The following PARP16 variants were observed in gnomAD, a reference collection of about 807,000 sequenced individuals.
PARP16 encodes poly(ADP-ribose) polymerase family member 16.
In PARP16, 31 loss-of-function variants were observed where a neutral mutation model predicts 35.0. That is an observed-to-expected ratio of 0.88 (90% CI 0.66 to 1.19). The LOEUF (loss-of-function observed/expected upper bound fraction) is 1.19, where lower values mean the gene tolerates loss of function less well. Ranked by LOEUF, PARP16 falls within the 50% of genes most tolerant of loss-of-function variation. PARP16 has a pLI of 0.00. For missense variants in PARP16, 424 were observed against 411.2 expected, an observed-to-expected ratio of 1.03 and a Z score of -0.27; for synonymous variants, 162 against 169.5, an observed-to-expected ratio of 0.96 and a Z score of 0.34.
intron 1 of PARP16, among the ~76,000 whole-genome samples, chr15:65,284,336 T>G (rs1451692478): frequency 1.7e-5 from 2 of 117,736 alleles, no homozygotes; most frequent in African/African-American, 5.9e-5. Flanking sequence ...TTTTCTTTCC[T>G]CTTTTTTTTT....
At chr15:65,241,588 C>T (rs567156641) in intron 3 of PARP16, among the ~76,000 whole-genome samples, 14 of 152,122 alleles carry the variant, frequency 9.2e-5, no homozygotes, top group Non-Finnish European at 1.5e-4. Context: ...TTTTAGTTTA[C>T]ATTTCTTATA....
intron 2 of PARP16, among the ~76,000 whole-genome samples, chr15:65,249,477 CGTTCAACCT>C (rs2089296074): frequency 6.6e-6 from 1 of 152,226 alleles, no homozygotes; most frequent in Admixed American, 6.5e-5. Flanking sequence ...AGAAATGTCT[CGTTCAACCT>C]GGAGACAGAC....
At chr15:65,265,768 C>T (rs540151175) in intron 3 of PARP16, among the ~76,000 whole-genome samples, 29 of 152,270 alleles carry the variant, frequency 1.9e-4, no homozygotes, top group South Asian at 6.2e-4. Context: ...GTGATGCAGA[C>T]GCTGCTGGTC....
chr15:65,256,817 A>T (rs111953857), downstream of PARP16, among the ~76,000 whole-genome samples: 1,328 of 152,130 alleles, frequency 8.7e-3, 6 homozygotes, highest in Non-Finnish European at 0.014. Flanking sequence ...TTCTCCAAGA[A>T]CTTCAGGTCT....
At position 65,286,308 on chromosome 15, in the gene PARP16, A is replaced by C; in HGVS notation, c.119T>G (p.Leu40Arg). The change falls in exon 1 of 6, where the codon CTG becomes CGG. Residue 40 changes from leucine to arginine, a missense_variant. Transcript: ENST00000649807. ...GGCGTAGGACGCGGGGAAGGGCCGCAGCACCGAGTCGCGCTTGTAGCTCTG... is the reference window on the plus strand; with the variant it reads ...GGCGTAGGACGCGGGGAAGGGCCGCCGCACCGAGTCGCGCTTGTAGCTCTG... ...ALQSYKRDSV[L>R]RPFPASYARG... The C allele has an allele frequency of 6.9e-6, 11 of 1,603,962 alleles. No homozygotes were observed. Among genetic ancestry groups the C allele is most frequent in the Non-Finnish European group, 9.3e-6 (11 of 1,176,478 alleles).
rs766995313 is a variant in PARP16, at chr15:65,271,101, A to G, written c.175-29T>C. 58 of 1,613,456 alleles carry G rather than the reference A, an allele frequency of 3.6e-5. 1 individual carries two copies. In the Middle Eastern group the frequency reaches 1.8e-3, roughly 51 times the overall value. The stretch of plus-strand genomic sequence containing the variant: ...AAGCGACGGAAGAACTTCCATTAGC[A>G]AGGATCCCGGACACAGTGATAATCA... On this transcript the variant is annotated intron_variant, in intron 1 of 5. Transcript: ENST00000649807.
chr15:65,232,274 A>G (rs2088786455), downstream of PARP16, among the ~76,000 whole-genome samples: 1 of 152,150 alleles, frequency 6.6e-6, no homozygotes, highest in Admixed American at 6.5e-5. Flanking sequence ...TAGGTTTTTT[A>G]GACTTCCCAC....
intron 3 of PARP16, among the ~76,000 whole-genome samples, chr15:65,245,331 A>C (rs1188679004): frequency 6.6e-6 from 1 of 152,222 alleles, no homozygotes; most frequent in Non-Finnish European, 1.5e-5. Flanking sequence ...GCGGTAGGAC[A>C]CGTTGCCACT....
At position 65,252,156 on chromosome 15, in the gene PARP16, G is replaced by A. The variant is rs770081481; in HGVS notation, c.203-3928C>T. 6.6e-5 allele frequency among the ~76,000 whole-genome samples: 10 copies of A among 152,276 alleles called. No homozygotes were observed. The South Asian group carries it at 2.1e-3, about 32-fold the overall frequency. On this transcript the variant is annotated intron_variant and NMD_transcript_variant, in intron 2 of 3. Transcript: ENST00000559805. ...AGTCAATGCTCTACTTGTAGAGTGT[G>A]TGAGTGGAGGGGGCAGTCAGTCAGC...
At chr15:65,250,144 GTCTC>G (rs1265948669) in intron 2 of PARP16, among the ~76,000 whole-genome samples, 4 of 128,334 alleles carry the variant, frequency 3.1e-5, no homozygotes, top group Non-Finnish European at 4.7e-5. Context: ...TTGAGACAGA[GTCTC>G]TCTCTGTTAT....
At chr15:65,266,451 A>G (rs2089892693) in intron 3 of PARP16, 111 bp downstream of exon 3, 1 of 850,634 alleles carries the variant, frequency 1.2e-6, no homozygotes, top group Non-Finnish European at 1.9e-6. Context: ...AGGCGTTAGT[A>G]AACCTACCCG....
intron 3 of PARP16, among the ~76,000 whole-genome samples, chr15:65,238,486 C>T (rs955661525): frequency 6.6e-6 from 1 of 152,128 alleles, no homozygotes; most frequent in Non-Finnish European, 1.5e-5. Flanking sequence ...TGGATTTCTC[C>T]ATTTCCCTCA....
At chr15:65,238,429 G>T (rs1415071826) in intron 3 of PARP16, among the ~76,000 whole-genome samples, 1 of 152,144 alleles carries the variant, frequency 6.6e-6, no homozygotes, top group Non-Finnish European at 1.5e-5. Context: ...CCTGGCCCAG[G>T]CTGCCCCAGT....
chr15:65,270,834 A>T, intron 2 of PARP16, 101 bp downstream of exon 2: 2 of 1,161,682 alleles, frequency 1.7e-6, no homozygotes, highest in Non-Finnish European at 2.5e-6. Flanking sequence ...CAAGCTGCCC[A>T]GGTCACTGGT....
Position 65,250,434 on chromosome 15 carries a change from T to C in PARP16, c.203-2206A>G, listed in dbSNP as rs374221973. On this transcript the variant is annotated intron_variant and NMD_transcript_variant, in intron 2 of 3. Transcript: ENST00000559805. ...TGCCTGGCCATGCCTGCCTTTCTTA[T>C]TCCTTTAGAGTCAGCCCTGGTTCTG... Among the ~76,000 whole-genome samples the C allele has an allele frequency of 6.6e-5, 10 of 152,202 alleles. No individual in the cohort carries two copies. The East Asian group carries it at 1.7e-3, about 26-fold the overall frequency.
chr15:65,255,029 G>C (rs2089460879), downstream of PARP16, among the ~76,000 whole-genome samples: 1 of 152,182 alleles, frequency 6.6e-6, no homozygotes, highest in South Asian at 2.1e-4. Flanking sequence ...TAGTGACAGA[G>C]GACAGATGGG....
chr15:65,260,106 C>T (rs2089653370), intron 5 of PARP16, among the ~76,000 whole-genome samples: 2 of 152,180 alleles, frequency 1.3e-5, no homozygotes, highest in Non-Finnish European at 2.9e-5. Flanking sequence ...ACCCTATATA[C>T]ATTTCCCAAA....
At chr15:65,263,006 G>A (rs950219098) in intron 4 of PARP16, 143 bp downstream of exon 4, 1 of 706,550 alleles carries the variant, frequency 1.4e-6, no homozygotes, top group Non-Finnish European at 2.4e-6. Context: ...CTCGCTCCTT[G>A]GGCAGGACCC....
intron 2 of PARP16, among the ~76,000 whole-genome samples, chr15:65,252,754 G>A (rs2089392554): frequency 6.6e-6 from 1 of 152,158 alleles, no homozygotes; most frequent in African/African-American, 2.4e-5. Context: ...GGGAGGCTTT[G>A]TTATCAGTCA....
Sources: allele counts gnomAD v4.1 joint callset (sites outside exome capture counted in the v4.1 genomes callset), GRCh38; gene constraint gnomAD v4.1.1; transcripts MANE v1.5; gene names NCBI Gene and HGNC (gene_info 2026-07-23, HGNC 2026-07-21).